Variants in RRM2B observed in about 807,000 individuals in gnomAD.
RRM2B encodes ribonucleotide reductase regulatory TP53 inducible subunit M2B, also known as ribonucleoside-diphosphate reductase subunit M2 B.
Under a neutral mutation model 45.9 loss-of-function variants are expected in RRM2B, and 20 were observed. That is an observed-to-expected ratio of 0.44 (90% CI 0.31 to 0.63). The LOEUF (loss-of-function observed/expected upper bound fraction) is 0.63. RRM2B is among the 30% of genes least tolerant of loss of function. The probability of loss-of-function intolerance (pLI) is 0.09; values close to 1 mark genes in which losing one functional copy is unlikely to be tolerated. For synonymous variants in RRM2B, 124 were observed against 132.3 expected (o/e 0.94, Z 0.43); for missense variants, 320 against 414.7 (o/e 0.77, Z 1.98).
rs948340045 is a variant in RRM2B at position 102,204,523 on chromosome 8, T to C, written c.*3610A>G. 14 of 152,196 alleles carry C rather than the reference T, an allele frequency of 9.2e-5. No individual in the cohort carries two copies. The highest frequency in any genetic ancestry group is 9.2e-4 in the Admixed American group (14 of 15,286). 9.4% of individuals were successfully genotyped at this position (152,196 alleles called of 1,614,324 possible). Reference sequence around the variant, plus strand: ...AATAGTAAGTATATACATTCCTTTATTAGGGTAGCCCTTGCACTTATAAAG... The same window carrying C: ...AATAGTAAGTATATACATTCCTTTACTAGGGTAGCCCTTGCACTTATAAAG... On this transcript the variant is annotated 3_prime_UTR_variant, in exon 9 of 9. Coordinates refer to ENST00000251810, the MANE Select transcript of RRM2B (RefSeq NM_015713.5).
At chr8:102,233,023 T>G (rs528433201) in intron 1 of RRM2B, among the ~76,000 whole-genome samples, 1 of 152,306 alleles carries the variant, frequency 6.6e-6, no homozygotes, top group South Asian at 2.1e-4. Context: ...GCATATATTT[T>G]TAAAATAGCG....
Position 102,204,957 on chromosome 8 carries a change from TCGGG to T in RRM2B, c.*3172_*3175del, listed in dbSNP as rs1810518740. ...GATTAAATCCTTTCTTCCTAATGCC[TCGGG>T]AATATGAGATTCTCTTTCAAATCTT... is the stretch of plus-strand genomic sequence containing the variant. On this transcript the variant is annotated 3_prime_UTR_variant, in exon 9 of 9. Transcript: ENST00000251810. 1.3e-5 allele frequency: 2 copies of T among 152,322 alleles called. No homozygotes were observed. Among genetic ancestry groups the T allele is most frequent in the South Asian group, 4.1e-4 (2 of 4,826 alleles). The allele number at this position is 152,322 out of a possible 1,614,324, so 9.4% of individuals were successfully genotyped here.
rs999186546 is a variant in RRM2B, at chr8:102,236,273, C to T, written c.48+2554G>A. 5.9e-5 allele frequency among the ~76,000 whole-genome samples: 9 copies of T among 152,212 alleles called. No homozygotes were observed. In the East Asian group the frequency reaches 9.6e-4, roughly 16 times the overall value. Reference sequence around the variant, plus strand: ...ATTTGCCCCCAACCCCAGGTGCTGGCGTTCATAGCAGGGTACAGTTTGAAA... The same window carrying T: ...ATTTGCCCCCAACCCCAGGTGCTGGTGTTCATAGCAGGGTACAGTTTGAAA... On this transcript the variant is annotated intron_variant, in intron 1 of 8. Transcript: ENST00000251810.
rs181436990 is a variant in RRM2B at position 102,231,335 on chromosome 8, C to T, written c.204+814G>A. Among the ~76,000 whole-genome samples the T allele has an allele frequency of 2.6e-5, 4 of 152,336 alleles. No individual in the cohort carries two copies. In the East Asian group the frequency reaches 7.7e-4, roughly 29 times the overall value. On this transcript the variant is annotated intron_variant, in intron 2 of 8. Transcript: ENST00000251810. ...TGATGTAGCTGAGGGCAGGGCCAAA[C>T]TGGGAGCAGCACTGTGAGTTCCACC...
intron 8 of RRM2B, among the ~76,000 whole-genome samples, chr8:102,211,167 G>T (rs968883356): frequency 4.6e-5 from 7 of 152,032 alleles, no homozygotes; most frequent in African/African-American, 1.7e-4. Flanking sequence ...ATGCCACCAG[G>T]CCTGGCTAAT....
At chr8:102,211,168 C>G (rs1810629029) in intron 8 of RRM2B, among the ~76,000 whole-genome samples, 1 of 152,200 alleles carries the variant, frequency 6.6e-6, no homozygotes. Context: ...TGCCACCAGG[C>G]CTGGCTAATT....
Position 102,238,895 on chromosome 8 carries a change from T to C in RRM2B, c.-21A>G. The C allele has an allele frequency of 6.2e-7, 1 of 1,608,970 alleles. No homozygotes were observed. The highest frequency in any genetic ancestry group is 8.5e-7 in the Non-Finnish European group (1 of 1,179,784). ...CCCATCGCGCAGACTCCGCCGAAGC[T>C]ACGGGCGCTGAGGGAACTGAGCTCC... On this transcript the variant is annotated 5_prime_UTR_variant, in exon 1 of 9. Transcript: ENST00000251810.
At chr8:102,230,325 A>G (rs986079294) in intron 2 of RRM2B, among the ~76,000 whole-genome samples, 1 of 152,262 alleles carries the variant, frequency 6.6e-6, no homozygotes, top group Admixed American at 6.5e-5. Context: ...CAGAACACGT[A>G]CCAACCTGTA....
chr8:102,215,944 C>CAAAAAAAAAAAAAAAAAAAAAAAAAA (rs60059243), intron 6 of RRM2B, among the ~76,000 whole-genome samples: 25 of 75,684 alleles, frequency 3.3e-4, no homozygotes, highest in African/African-American at 8.1e-4. Flanking sequence ...GACCCTGTCT[C>CAAAAAAAAAAAAAAAAAAAAAAAAAA]AAAAAAAAAA....
At chr8:102,238,616 G>C in intron 1 of RRM2B, 2 of 1,530,446 alleles carry the variant, frequency 1.3e-6, no homozygotes, top group Middle Eastern at 1.7e-4. Context: ...AGCAGCGAGC[G>C]GGACGCAAAC....
chr8:102,207,282 A>G lies in RRM2B; in HGVS notation c.*851T>C, dbSNP rs1810561256. The G allele has an allele frequency of 6.6e-6, 1 of 152,218 alleles. No homozygotes were observed. Among genetic ancestry groups the G allele is most frequent in the African/African-American group, 2.4e-5 (1 of 41,460 alleles). 9.4% of individuals were successfully genotyped at this position (152,218 alleles called of 1,614,324 possible). On this transcript the variant is annotated 3_prime_UTR_variant, in exon 9 of 9. Transcript: ENST00000251810. Reference sequence around the variant, plus strand: ...TTTCCCCCAAAAAAATATCTAGAGGAGCTAATAGCTCTTAGAATATTCTTT... The same window carrying G: ...TTTCCCCCAAAAAAATATCTAGAGGGGCTAATAGCTCTTAGAATATTCTTT...
chr8:102,218,937 C>T lies in RRM2B; in HGVS notation c.561G>A (p.Val187=), dbSNP rs746455892. 8 of 1,613,254 alleles carry T rather than the reference C, an allele frequency of 5.0e-6. No individual in the cohort carries two copies. The highest frequency in any genetic ancestry group is 6.8e-6 in the Non-Finnish European group (8 of 1,179,492). ...CTCCTTCTACAGCAGCAAAGGCCAC[C>T]ACTCTTTCCCCTGGGAGACATAAAA... The part of the protein sequence containing the change: ...ADRKSTFGER[V]VAFAAVEGVF... Residue 187 remains valine (V), a synonymous_variant, in exon 6 of 9, where the codon GTG becomes GTA. Transcript: ENST00000251810.
chr8:102,219,550 G>A (rs956780488), intron 5 of RRM2B, among the ~76,000 whole-genome samples: 1 of 152,048 alleles, frequency 6.6e-6, no homozygotes, highest in African/African-American at 2.4e-5. Flanking sequence ...AATACAAAAT[G>A]GCCAATTTTA....
chr8:102,228,048 ATGTATTCC>A, intron 2 of RRM2B, among the ~76,000 whole-genome samples: 1 of 152,262 alleles, frequency 6.6e-6, no homozygotes, highest in South Asian at 2.1e-4. Flanking sequence ...CCAAAGTGAC[ATGTATTCC>A]TGTTTTCCCA....
chr8:102,224,774 G>A, intron 4 of RRM2B, 111 bp downstream of exon 4: 5 of 1,124,728 alleles, frequency 4.4e-6, no homozygotes, highest in Non-Finnish European at 6.5e-6. Context: ...ATTATGCTCA[G>A]AAACTTCCAT....
At position 102,224,740 on chromosome 8, in the gene RRM2B, A is replaced by G; in HGVS notation, c.455+145T>C. The stretch of plus-strand genomic sequence containing the variant: ...TATAACAAGTTTTTTTTAAAACCCA[A>G]TACATTATTAAGCAATAGAAAATAT... On this transcript the variant is annotated intron_variant, in intron 4 of 8. Coordinates refer to ENST00000251810, the MANE Select transcript of RRM2B (RefSeq NM_015713.5). The G allele has an allele frequency of 1.1e-5, 9 of 816,226 alleles. 1 individual carries two copies. In the South Asian group the frequency reaches 1.4e-4, roughly 12 times the overall value. 50.6% of individuals were successfully genotyped at this position (816,226 alleles called of 1,614,324 possible). A position where few individuals can be genotyped will look rare whatever the true frequency, so the allele number is the denominator to read the frequency against.
chr8:102,238,844 C>G lies in RRM2B; in HGVS notation c.31G>C (p.Gly11Arg). ...ACATTTACCTCATCCTGATCCAGCC[C>G]GGCCGCTTCCGGCCTTTCCGGGTCG... MGDPERPEAA[G>R]LDQDERSSSD... Residue 11 changes from glycine (G) to arginine (R), a missense_variant, in exon 1 of 9, where the codon GGG becomes CGG. Gly to Arg is a moderately radical substitution (Grantham distance 125). Around this residue, in one of 3 missense-constraint regions of RRM2B, gnomAD observed 48 missense variants for 35.3 expected, o/e 1.36. Transcript: ENST00000251810. 6.2e-7 allele frequency: 1 copy of G among 1,613,296 alleles called. No homozygotes were observed. Among genetic ancestry groups the G allele is most frequent in the South Asian group, 1.1e-5 (1 of 91,086 alleles).
intron 3 of RRM2B, among the ~76,000 whole-genome samples, chr8:102,225,462 G>C (rs965356348): frequency 6.6e-6 from 1 of 151,986 alleles, no homozygotes; most frequent in Non-Finnish European, 1.5e-5. Context: ...TCAATCTCTT[G>C]ACCTCGTGAT....
At chr8:102,221,692 A>C (rs1398895274) in intron 5 of RRM2B, among the ~76,000 whole-genome samples, 4 of 152,126 alleles carry the variant, frequency 2.6e-5, no homozygotes, top group African/African-American at 7.2e-5. Flanking sequence ...CAATATGGAG[A>C]ATCTAGCTGG....
Sources: gnomAD v4.1 joint callset for allele counts (sites outside exome capture counted in the v4.1 genomes callset) on GRCh38, gnomAD v4.1.1 for gene constraint, gnomAD v4.1.1 regional missense constraint, MANE v1.5 for transcripts, NCBI Gene and HGNC (gene_info 2026-07-23, HGNC 2026-07-21) for gene names.